The following AKR1D1 variants were observed in gnomAD, a reference collection of about 807,000 sequenced individuals.
AKR1D1 encodes the protein aldo-keto reductase family 1 member D1, also known as delta(4)-3-ketosteroid 5-beta-reductase.
Under a neutral mutation model 42.6 loss-of-function variants are expected in AKR1D1, and 32 were observed. The observed-to-expected ratio is 0.75, with a 90% CI of 0.57 to 1.01. The LOEUF (loss-of-function observed/expected upper bound fraction) is 1.01. AKR1D1 is among the 50% of genes least tolerant of loss of function. The pLI is 0.00. For synonymous variants in AKR1D1, 123 were observed against 135.5 expected, an observed-to-expected ratio of 0.91 and a Z score of 0.64; for missense variants, 364 against 402.2, an observed-to-expected ratio of 0.91 and a Z score of 0.81.
At chr7:138,105,494 G>T in intron 5 of AKR1D1, 65 bp downstream of exon 5, 1 of 1,606,386 alleles carries the variant, frequency 6.2e-7, no homozygotes. Flanking sequence ...ACACAAAGAA[G>T]CCTCAGCTGG....
chr7:138,106,445 A>C (rs192013065), intron 5 of AKR1D1, among the ~76,000 whole-genome samples, 163 bp from the exon 6 acceptor site: 2 of 152,366 alleles, frequency 1.3e-5, no homozygotes, highest in Admixed American at 6.5e-5. Context: ...AGGAAGCAAA[A>C]TGAACAAGAT....
chr7:138,079,202 T>C (rs1198171750), intron 1 of AKR1D1, among the ~76,000 whole-genome samples: 4 of 152,140 alleles, frequency 2.6e-5, no homozygotes, highest in African/African-American at 9.7e-5. Flanking sequence ...GAACTTTGTT[T>C]CACCTGGGGA....
chr7:138,102,663 A>C (rs1794341264), intron 4 of AKR1D1, among the ~76,000 whole-genome samples: 1 of 152,270 alleles, frequency 6.6e-6, no homozygotes, highest in African/African-American at 2.4e-5. Context: ...AAAGAGGAAC[A>C]TATAGATCAA....
At chr7:138,097,237 C>T (rs1296724838) in intron 3 of AKR1D1, among the ~76,000 whole-genome samples, 1 of 152,192 alleles carries the variant, frequency 6.6e-6, no homozygotes, top group African/African-American at 2.4e-5. Flanking sequence ...ACACCATCAG[C>T]TCTCCCCTAT....
chr7:138,080,619 C>A (rs1402398855), intron 1 of AKR1D1, among the ~76,000 whole-genome samples: 3 of 152,116 alleles, frequency 2.0e-5, no homozygotes, highest in Non-Finnish European at 4.4e-5. Context: ...AACTGAGCAT[C>A]CTGTATGTTG....
intron 1 of AKR1D1, among the ~76,000 whole-genome samples, chr7:138,081,999 T>C (rs1803069249): frequency 6.6e-6 from 1 of 152,182 alleles, no homozygotes; most frequent in Non-Finnish European, 1.5e-5. Context: ...CAACTAATTA[T>C]TGGTCTGGTG....
intron 4 of AKR1D1, among the ~76,000 whole-genome samples, chr7:138,104,697 A>AAT (rs1365531621): frequency 0.029 from 4,361 of 151,320 alleles, 103 homozygotes; most frequent in Non-Finnish European, 0.049. Context: ...AAAAAAAAAA[A>AAT]AGTGCCCAGG....
intron 7 of AKR1D1, among the ~76,000 whole-genome samples, chr7:138,109,482 CTA>C (rs1562938574): frequency 6.6e-6 from 1 of 152,130 alleles, no homozygotes; most frequent in Non-Finnish European, 1.5e-5. Context: ...ATCAGGGTCT[CTA>C]TCAATCCCTG....
chr7:138,086,752 G>T (rs983718704), intron 1 of AKR1D1, among the ~76,000 whole-genome samples: 1 of 152,184 alleles, frequency 6.6e-6, no homozygotes, highest in African/African-American at 2.4e-5. Flanking sequence ...ACTAAAGAAA[G>T]CACAAGTAGT....
At chr7:138,089,141 A>C (rs1326024078) in intron 2 of AKR1D1, among the ~76,000 whole-genome samples, 2 of 152,084 alleles carry the variant, frequency 1.3e-5, no homozygotes, top group African/African-American at 2.4e-5. Flanking sequence ...TGAGCTCAGG[A>C]GTTCAAGACC....
chr7:138,109,192 A>C (rs1794490097), intron 7 of AKR1D1, among the ~76,000 whole-genome samples: 1 of 152,246 alleles, frequency 6.6e-6, no homozygotes, highest in Non-Finnish European at 1.5e-5. Flanking sequence ...ATATTAGACA[A>C]TTACATCTTC....
At chr7:138,089,762 C>T (rs1454308215) in intron 2 of AKR1D1, among the ~76,000 whole-genome samples, 3 of 152,100 alleles carry the variant, frequency 2.0e-5, no homozygotes, top group Non-Finnish European at 2.9e-5. Context: ...TAAACAGAAA[C>T]AGTGTGTGCA....
intron 1 of AKR1D1, among the ~76,000 whole-genome samples, chr7:138,086,845 T>TCA (rs367856792): frequency 4.6e-5 from 7 of 152,280 alleles, no homozygotes; most frequent in East Asian, 1.9e-4. Flanking sequence ...ATCAACCCTC[T>TCA]CACACACACA....
intron 7 of AKR1D1, among the ~76,000 whole-genome samples, chr7:138,111,051 T>A (rs761519327): frequency 6.6e-6 from 1 of 152,146 alleles, no homozygotes; most frequent in Non-Finnish European, 1.5e-5. Flanking sequence ...TCCTCTCCCA[T>A]AAGAATCTTG....
chr7:138,105,482 T>C, intron 5 of AKR1D1, 53 bp downstream of exon 5: 3 of 1,611,422 alleles, frequency 1.9e-6, no homozygotes, highest in Non-Finnish European at 2.5e-6. Context: ...AGGATTTACA[T>C]GACACAAAGA....
At chr7:138,086,758 G>A (rs2117423621) in intron 1 of AKR1D1, among the ~76,000 whole-genome samples, 1 of 152,316 alleles carries the variant, frequency 6.6e-6, no homozygotes, top group East Asian at 1.9e-4. Flanking sequence ...GAAAGCACAA[G>A]TAGTTAACCA....
chr7:138,087,772 A>G (rs537950439), intron 1 of AKR1D1, among the ~76,000 whole-genome samples: 1 of 152,292 alleles, frequency 6.6e-6, no homozygotes, highest in South Asian at 2.1e-4. Context: ...TTCCATTTAT[A>G]TAAAATGCTA....
intron 4 of AKR1D1, among the ~76,000 whole-genome samples, chr7:138,099,601 G>T (rs530878093): frequency 6.6e-6 from 1 of 151,518 alleles, no homozygotes; most frequent in African/African-American, 2.4e-5. Context: ...AAAAGGACAA[G>T]AATTTTTTAA....
chr7:138,106,060 T>C (rs1794419146), intron 5 of AKR1D1, among the ~76,000 whole-genome samples: 1 of 152,194 alleles, frequency 6.6e-6, no homozygotes, highest in South Asian at 2.1e-4. Context: ...AAACTTAAAT[T>C]GAAGTGTGAT....
Sources: gnomAD v4.1 joint callset for allele counts (sites outside exome capture counted in the v4.1 genomes callset) on GRCh38, gnomAD v4.1.1 for gene constraint, MANE v1.5 for transcripts, NCBI Gene and HGNC (gene_info 2026-07-23, HGNC 2026-07-21) for gene names.